Variants in GNA12 observed in about 807,000 individuals in gnomAD.
GNA12 encodes the protein guanine nucleotide-binding protein subunit alpha-12.
A neutral mutation model predicts 26.0 loss-of-function variants in GNA12; 9 were observed. The observed-to-expected ratio is 0.35, with a 90% CI of 0.21 to 0.60. The LOEUF is 0.60. GNA12 is among the 20% of genes least tolerant of loss of function. GNA12 has a pLI of 0.78. For synonymous variants in GNA12, 264 were observed against 219.6 expected, an observed-to-expected ratio of 1.20 and a Z score of -1.79; for missense variants, 405 against 525.8, an observed-to-expected ratio of 0.77 and a Z score of 2.25.
intron 1 of GNA12, among the ~76,000 whole-genome samples, chr7:2,807,028 T>C (rs1479560725): frequency 6.6e-6 from 1 of 152,240 alleles, no homozygotes; most frequent in African/African-American, 2.4e-5. Context: ...TTAATAACTT[T>C]TAATTTTCCT....
chr7:2,758,246 C>T (rs1336421662), intron 2 of GNA12, among the ~76,000 whole-genome samples: 1 of 152,174 alleles, frequency 6.6e-6, no homozygotes, highest in African/African-American at 2.4e-5. Context: ...GGCTTTAGGG[C>T]CGGGTGCAGT....
chr7:2,737,463 A>G (rs375283327), intron 2 of GNA12, among the ~76,000 whole-genome samples: 146 of 151,742 alleles, frequency 9.6e-4, no homozygotes, highest in African/African-American at 3.2e-3. Flanking sequence ...TAACTTTTGT[A>G]TTTTTAGTAG....
chr7:2,745,583 C>T (rs144665018), intron 2 of GNA12, among the ~76,000 whole-genome samples: 3 of 152,326 alleles, frequency 2.0e-5, no homozygotes, highest in Non-Finnish European at 4.4e-5. Context: ...TTGTAAAGAC[C>T]ATCAAGGCTA....
At chr7:2,754,355 A>G (rs1211043704) in intron 2 of GNA12, among the ~76,000 whole-genome samples, 1 of 152,006 alleles carries the variant, frequency 6.6e-6, no homozygotes, top group Non-Finnish European at 1.5e-5. Flanking sequence ...TATTGTTTTG[A>G]GAGTTCTGTT....
intron 2 of GNA12, among the ~76,000 whole-genome samples, chr7:2,768,055 A>G (rs1047615087): frequency 2.0e-5 from 3 of 152,116 alleles, no homozygotes; most frequent in Admixed American, 6.5e-5. Context: ...GGGTTTCACC[A>G]TATTGGTCAG....
chr7:2,737,473 G>C (rs1361063031), intron 2 of GNA12, among the ~76,000 whole-genome samples: 1 of 151,838 alleles, frequency 6.6e-6, no homozygotes, highest in African/African-American at 2.4e-5. Context: ...ATTTTTAGTA[G>C]AGACGGGGTT....
At chr7:2,757,824 A>C (rs1791374700) in intron 2 of GNA12, among the ~76,000 whole-genome samples, 1 of 152,160 alleles carries the variant, frequency 6.6e-6, no homozygotes, top group African/African-American at 2.4e-5. Flanking sequence ...TTGCTGAGTC[A>C]ATGAAGACAT....
Position 2,733,184 on chromosome 7 carries a change from G to A in GNA12, c.576+267C>T, listed in dbSNP as rs145616405. Among the ~76,000 whole-genome samples the A allele has an allele frequency of 1.8e-3, 280 of 152,280 alleles. 1 individual carries two copies. The highest frequency in any genetic ancestry group is 6.4e-3 in the African/African-American group (267 of 41,546). On this transcript the variant is annotated intron_variant, in intron 3 of 3. Coordinates refer to ENST00000275364, the MANE Select transcript of GNA12 (RefSeq NM_007353.3). ...TTGAGTATGTTTGAATTTTCCATGA[G>A]ATAAAGGAAGTCCTCCTTTCACTCA...
chr7:2,782,245 T>C (rs1792247544), intron 2 of GNA12, among the ~76,000 whole-genome samples: 1 of 152,230 alleles, frequency 6.6e-6, no homozygotes, highest in Non-Finnish European at 1.5e-5. Flanking sequence ...TGGCAACAAA[T>C]TCTTAGCTTT....
chr7:2,816,045 G>A (rs1793210728), intron 1 of GNA12, among the ~76,000 whole-genome samples: 1 of 152,352 alleles, frequency 6.6e-6, no homozygotes, highest in Non-Finnish European at 1.5e-5. Context: ...AGAGACCCTG[G>A]CCGCCGCGCA....
At chr7:2,835,192 G>C (rs1230583749) in intron 1 of GNA12, among the ~76,000 whole-genome samples, 1 of 152,162 alleles carries the variant, frequency 6.6e-6, no homozygotes, top group African/African-American at 2.4e-5. Context: ...TCAGGGAATG[G>C]AAGCACTGTG....
rs769160245 is a variant in GNA12 at position 2,731,565 on chromosome 7, G to A, written c.762C>T (p.Ser254=). The change falls in exon 4 of 4, where the codon TCC becomes TCT. Residue 254 remains serine, a synonymous_variant. Coordinates refer to ENST00000275364, the MANE Select transcript of GNA12 (RefSeq NM_007353.3). The surrounding 1 kb of genome is among the most constrained non-coding windows in gnomAD (Gnocchi z 6.0). The stretch of plus-strand genomic sequence containing the variant: ...CCATGAGGACCTGGTCGTACTCGCT[G>A]GAGGAGACCATGAACAGGATGGACG... ...GITSILFMVS[S]SEYDQVLMED... is the part of the protein sequence containing the mutation. 1 of 1,612,698 alleles carries A rather than the reference G, an allele frequency of 6.2e-7. No individual in the cohort carries two copies.
At chr7:2,835,584 A>T (rs955274912) in intron 1 of GNA12, 2 of 572,280 alleles carry the variant, frequency 3.5e-6, no homozygotes, top group Admixed American at 3.1e-5. Context: ...GCTTGGGGGC[A>T]AAGTCCCATT....
At chr7:2,789,865 C>A (rs1354884289) in intron 2 of GNA12, among the ~76,000 whole-genome samples, 2 of 151,984 alleles carry the variant, frequency 1.3e-5, no homozygotes, top group Non-Finnish European at 2.9e-5. Context: ...ACAGAGAAGC[C>A]CAGGAAAGCC....
At position 2,730,031 on chromosome 7, in the gene GNA12, G is replaced by C. The variant is rs1358753292; in HGVS notation, c.*1150C>G. 1 of 152,494 alleles carries C rather than the reference G, an allele frequency of 6.6e-6. No individual in the cohort carries two copies. Among genetic ancestry groups the C allele is most frequent in the Middle Eastern group, 3.4e-3 (1 of 294 alleles). 9.4% of individuals were successfully genotyped at this position (152,494 alleles called of 1,614,324 possible). On this transcript the variant is annotated 3_prime_UTR_variant, in exon 4 of 4. Coordinates refer to ENST00000275364, the MANE Select transcript of GNA12 (RefSeq NM_007353.3). ...CCTCGATGAGAATCAGACTTAGGGAGAGCGGCGAACAGGCACGGCTGTCCA... is the reference window on the plus strand; with the variant it reads ...CCTCGATGAGAATCAGACTTAGGGACAGCGGCGAACAGGCACGGCTGTCCA...
intron 2 of GNA12, among the ~76,000 whole-genome samples, chr7:2,783,217 G>C (rs777141291): frequency 6.6e-5 from 10 of 152,138 alleles, no homozygotes; most frequent in Non-Finnish European, 1.3e-4. Context: ...ATGGTTTAGG[G>C]TTAAAGTGTC....
intron 1 of GNA12, among the ~76,000 whole-genome samples, chr7:2,803,448 C>T (rs1051873951): frequency 6.6e-6 from 1 of 152,086 alleles, no homozygotes; most frequent in Non-Finnish European, 1.5e-5. Context: ...TCAGGAGCCC[C>T]CTAAGTGCTC....
intron 2 of GNA12, among the ~76,000 whole-genome samples, chr7:2,754,727 C>A (rs555306354): frequency 1.3e-5 from 2 of 152,266 alleles, no homozygotes; most frequent in African/African-American, 2.4e-5. Flanking sequence ...CCAGTCCGAG[C>A]AACAGAGTGA....
At chr7:2,769,682 G>A (rs564058787) in intron 2 of GNA12, among the ~76,000 whole-genome samples, 1 of 152,096 alleles carries the variant, frequency 6.6e-6, no homozygotes, top group African/African-American at 2.4e-5. Flanking sequence ...GCAGTGAGCC[G>A]AGATCGCACC....
Sources: gnomAD v4.1 joint callset for allele counts (sites outside exome capture counted in the v4.1 genomes callset) on GRCh38, gnomAD v4.1.1 for gene constraint, Gnocchi (gnomAD v3.1) non-coding constraint, MANE v1.5 for transcripts, NCBI Gene and HGNC (gene_info 2026-07-23, HGNC 2026-07-21) for gene names.